The following SMCHD1 variants were observed in gnomAD, a reference collection of about 807,000 sequenced individuals.
The protein encoded by SMCHD1 is structural maintenance of chromosomes flexible hinge domain-containing protein 1.
A neutral mutation model predicts 254.7 loss-of-function variants in SMCHD1; 78 were observed. That is an observed-to-expected ratio of 0.31 (90% CI 0.26 to 0.37). The LOEUF is 0.37. Ranked by LOEUF, SMCHD1 falls within the 10% of genes least tolerant of loss-of-function variation. The pLI is 1.00. For missense variants in SMCHD1, 1,840 were observed against 2,408.1 expected (o/e 0.76, Z 4.94); for synonymous variants, 766 against 794.9 (o/e 0.96, Z 0.61).
At chr18:2,755,417 T>C (rs1177938664) in intron 34 of SMCHD1, among the ~76,000 whole-genome samples, 2 of 152,014 alleles carry the variant, frequency 1.3e-5, no homozygotes, top group Non-Finnish European at 2.9e-5. Flanking sequence ...CACCTCAGCC[T>C]CCCAAAGTGC....
chr18:2,677,968 G>T (rs141283254), intron 5 of SMCHD1, among the ~76,000 whole-genome samples: 1 of 152,134 alleles, frequency 6.6e-6, no homozygotes, highest in African/African-American at 2.4e-5. Flanking sequence ...ATTACAACCA[G>T]CATCTTAATT....
chr18:2,701,687 A>G (rs1171347398), intron 12 of SMCHD1, among the ~76,000 whole-genome samples: 7 of 152,218 alleles, frequency 4.6e-5, no homozygotes, highest in Admixed American at 3.9e-4. Context: ...ATTGATTAAT[A>G]CAACAAGAAT....
chr18:2,690,952 A>T (rs1174885418), intron 7 of SMCHD1, among the ~76,000 whole-genome samples: 3 of 68,508 alleles, frequency 4.4e-5, no homozygotes, highest in Non-Finnish European at 5.9e-5. Flanking sequence ...TGGCCATTTG[A>T]TAATTGAAAA....
At chr18:2,781,418 GTA>G (rs2076155219) in intron 44 of SMCHD1, among the ~76,000 whole-genome samples, 2 of 152,170 alleles carry the variant, frequency 1.3e-5, no homozygotes, top group Non-Finnish European at 2.9e-5. Context: ...TGCTGGACTA[GTA>G]GTATCCTTAG....
chr18:2,782,794 T>C (rs2076178916), intron 44 of SMCHD1, among the ~76,000 whole-genome samples: 1 of 146,138 alleles, frequency 6.8e-6, no homozygotes, highest in Admixed American at 6.8e-5. Context: ...CTTAGAAACA[T>C]TGACTGCCTG....
chr18:2,722,498 T>G, intron 19 of SMCHD1, 21 bp from the exon 20 acceptor site: 2 of 1,601,894 alleles, frequency 1.2e-6, no homozygotes, highest in South Asian at 2.3e-5. Context: ...GCTTTTCATT[T>G]CATTTTTGTT....
intron 44 of SMCHD1, among the ~76,000 whole-genome samples, chr18:2,783,261 C>T (rs947411223): frequency 3.3e-5 from 5 of 152,060 alleles, no homozygotes; most frequent in Non-Finnish European, 7.4e-5. Flanking sequence ...TGATTAGATT[C>T]TTAGAATTGC....
In SMCHD1 at chr18:2,729,409, T is replaced by G; in HGVS notation, c.3048T>G (p.Pro1016=). 1 of 1,512,504 alleles carries G rather than the reference T, an allele frequency of 6.6e-7. No individual in the cohort carries two copies. Among genetic ancestry groups the G allele is most frequent in the African/African-American group, 1.4e-5 (1 of 71,210 alleles). 93.7% of individuals were successfully genotyped at this position (1,512,504 alleles called of 1,614,324 possible). A position where few individuals can be genotyped will look rare whatever the true frequency, so the allele number is the denominator to read the frequency against. Residue 1016 remains proline (P), a splice_region_variant and synonymous_variant, in exon 24 of 48, where the codon CCT becomes CCG. Transcript: ENST00000320876. ...DQTLKARIEI[P]SCKDVAPVEK... is the part of the protein sequence containing the mutation. ...CGCTTAAAGCAAGAATTGAAATACC[T>G]GTAAGTTATTATTGTTACTCATTGA... is the stretch of plus-strand genomic sequence containing the variant.
intron 44 of SMCHD1, among the ~76,000 whole-genome samples, chr18:2,780,308 T>TG (rs1348047976): frequency 2.7e-5 from 4 of 149,096 alleles, no homozygotes; most frequent in African/African-American, 9.9e-5. Context: ...ACTAAATTAC[T>TG]GGGATTTTGA....
intron 13 of SMCHD1, 73 bp downstream of exon 13, chr18:2,703,959 G>A: frequency 8.6e-7 from 1 of 1,160,462 alleles, no homozygotes. Flanking sequence ...AGAATCACAT[G>A]TATAGAAAAT....
intron 39 of SMCHD1, 23 bp downstream of exon 39, chr18:2,770,131 CAAAAA>C: frequency 1.3e-6 from 2 of 1,591,842 alleles, no homozygotes; most frequent in African/African-American, 2.7e-5. Context: ...GTATTCAAGA[CAAAAA>C]TTATGCTTTG....
intron 10 of SMCHD1, among the ~76,000 whole-genome samples, chr18:2,699,578 A>C (rs2143171642): frequency 6.6e-6 from 1 of 152,292 alleles, no homozygotes; most frequent in South Asian, 2.1e-4. Flanking sequence ...GAGCTCAGGT[A>C]ATCCTCCCAC....
Position 2,655,806 on chromosome 18 carries a change from T to G in SMCHD1, c.-270T>G. On this transcript the variant is annotated 5_prime_UTR_variant, in exon 1 of 48. Coordinates refer to ENST00000320876, the MANE Select transcript of SMCHD1 (RefSeq NM_015295.3). ...CGATAGGCGCTGGGCCCGGGCCCGGTGAGGAGCGCGCCGCGCGTCCCCTTC... is the reference window on the plus strand; with the variant it reads ...CGATAGGCGCTGGGCCCGGGCCCGGGGAGGAGCGCGCCGCGCGTCCCCTTC... 1 of 291,904 alleles carries G rather than the reference T, an allele frequency of 3.4e-6. No individual in the cohort carries two copies. The allele number at this position is 291,904 out of a possible 1,614,324, so 18.1% of individuals were successfully genotyped here. A position where few individuals can be genotyped will look rare whatever the true frequency, so the allele number is the denominator to read the frequency against.
intron 37 of SMCHD1, chr18:2,763,992 G>A: frequency 2.1e-6 from 1 of 470,284 alleles, no homozygotes; most frequent in Non-Finnish European, 3.7e-6. Flanking sequence ...TTTTTCCTAT[G>A]GGATAACAGC....
chr18:2,759,714 C>T (rs1038200523), intron 34 of SMCHD1, among the ~76,000 whole-genome samples: 24 of 151,502 alleles, frequency 1.6e-4, no homozygotes, highest in East Asian at 5.8e-4. Flanking sequence ...GGACTACAGG[C>T]GCACACCACC....
In SMCHD1 at chr18:2,749,499, A is replaced by G. The variant is rs572751312; in HGVS notation, c.3928-544A>G. Reference sequence around the variant, plus strand: ...GCTGAGAGACCCTTCTAGACCAGTTATTAGGAAATGTGGCCACTGATTCTT... The same window carrying G: ...GCTGAGAGACCCTTCTAGACCAGTTGTTAGGAAATGTGGCCACTGATTCTT... On this transcript the variant is annotated intron_variant, in intron 30 of 47. Transcript: ENST00000320876. 2.6e-5 allele frequency among the ~76,000 whole-genome samples: 4 copies of G among 152,332 alleles called. No individual in the cohort carries two copies. The East Asian group carries it at 7.7e-4, about 29-fold the overall frequency.
At position 2,726,446 on chromosome 18, in the gene SMCHD1, C is replaced by T. The variant is rs2143438672; in HGVS notation, c.2701-6C>T. The T allele has an allele frequency of 6.8e-7, 1 of 1,476,958 alleles. No homozygotes were observed. The highest frequency in any genetic ancestry group is 2.2e-5 in the Admixed American group (1 of 45,832). The allele number at this position is 1,476,958 out of a possible 1,614,324, so 91.5% of individuals were successfully genotyped here. A position where few individuals can be genotyped will look rare whatever the true frequency, so the allele number is the denominator to read the frequency against. The stretch of plus-strand genomic sequence containing the variant: ...GGGTTTAATTTTTACTGTTTTTTTC[C>T]AACAGAATTATAATCTGAAGGTTAC... On this transcript the variant is annotated splice_region_variant and splice_polypyrimidine_tract_variant and intron_variant, in intron 21 of 47. Transcript: ENST00000320876.
chr18:2,777,800 A>G lies in SMCHD1; in HGVS notation c.5367-6A>G. The G allele has an allele frequency of 6.8e-7, 1 of 1,472,072 alleles. No homozygotes were observed. The highest frequency in any genetic ancestry group is 9.1e-7 in the Non-Finnish European group (1 of 1,094,744). 91.2% of individuals were successfully genotyped at this position (1,472,072 alleles called of 1,614,324 possible). ...TAATATCTTTTTAAAATTTCTTTTT[A>G]TTTAGATCTCTACCTCATTTCCGAA... On this transcript the variant is annotated splice_region_variant and splice_polypyrimidine_tract_variant and intron_variant, in intron 42 of 47. Transcript: ENST00000320876.
chr18:2,706,533 T>C (rs2074518385), intron 15 of SMCHD1, 63 bp downstream of exon 15: 7 of 1,113,856 alleles, frequency 6.3e-6, no homozygotes, highest in African/African-American at 3.1e-5. Flanking sequence ...GTGCTGTAAG[T>C]ATTCTGAGTA....
Sources: gnomAD v4.1 joint callset for allele counts (sites outside exome capture counted in the v4.1 genomes callset) on GRCh38, gnomAD v4.1.1 for gene constraint, MANE v1.5 for transcripts, NCBI Gene and HGNC (gene_info 2026-07-23, HGNC 2026-07-21) for gene names.